Variants in KALRN observed in about 807,000 individuals in gnomAD.
The protein encoded by KALRN is kalirin.
KALRN carries 70 observed loss-of-function variants against 353.7 expected under a neutral mutation model. That is an observed-to-expected ratio of 0.20 (90% CI 0.16 to 0.24). The LOEUF (loss-of-function observed/expected upper bound fraction) is 0.24, where lower values mean the gene tolerates loss of function less well. Ranked by LOEUF, KALRN falls within the 10% of genes least tolerant of loss-of-function variation. The pLI is 1.00. For synonymous variants in KALRN, 1,391 were observed against 1,434.8 expected, an observed-to-expected ratio of 0.97 and a Z score of 0.69; for missense variants, 2,791 against 3,756.7, an observed-to-expected ratio of 0.74 and a Z score of 6.72.
chr3:124,654,241 T>C (rs779659457), intron 38 of KALRN, among the ~76,000 whole-genome samples: 4 of 152,174 alleles, frequency 2.6e-5, no homozygotes, highest in Non-Finnish European at 5.9e-5. Context: ...CTAAAACACA[T>C]GATTGTCTGT....
intron 34 of KALRN, among the ~76,000 whole-genome samples, chr3:124,618,352 T>C (rs1421186118): frequency 6.6e-6 from 1 of 151,570 alleles, no homozygotes; most frequent in Non-Finnish European, 1.5e-5. Flanking sequence ...CTTGACTTCA[T>C]GATCCGCCCA....
intron 1 of KALRN, among the ~76,000 whole-genome samples, chr3:124,068,069 C>A (rs1450426006): frequency 6.6e-6 from 1 of 152,242 alleles, no homozygotes; most frequent in Admixed American, 6.5e-5. Flanking sequence ...CAAATGGCTT[C>A]TACTCCATAG....
chr3:124,470,281 G>A (rs1261891625), intron 25 of KALRN, among the ~76,000 whole-genome samples: 2 of 152,116 alleles, frequency 1.3e-5, no homozygotes, highest in Admixed American at 1.3e-4. Flanking sequence ...GAACAGCTAA[G>A]GTGAAATGTT....
intron 1 of KALRN, among the ~76,000 whole-genome samples, chr3:124,121,307 A>G (rs2149595296): frequency 6.6e-6 from 1 of 152,312 alleles, no homozygotes; most frequent in South Asian, 2.1e-4. Flanking sequence ...AATCTAGCAC[A>G]ATGTCTGGTA....
At chr3:124,603,270 T>C (rs1269812165) in intron 34 of KALRN, among the ~76,000 whole-genome samples, 1 of 152,208 alleles carries the variant, frequency 6.6e-6, no homozygotes, top group Non-Finnish European at 1.5e-5. Context: ...TAGTATTGAC[T>C]CTCCGGAGGA....
intron 11 of KALRN, among the ~76,000 whole-genome samples, chr3:124,391,958 T>C (rs1415634822): frequency 6.6e-6 from 1 of 152,228 alleles, no homozygotes; most frequent in African/African-American, 2.4e-5. Flanking sequence ...ATGTTGATCT[T>C]ATACAAACTC....
intron 6 of KALRN, among the ~76,000 whole-genome samples, chr3:124,320,066 G>A (rs962997412): frequency 2.0e-5 from 3 of 152,052 alleles, no homozygotes; most frequent in Admixed American, 6.6e-5. Context: ...TATGTATAAC[G>A]TTTTCTCAGT....
chr3:124,192,993 T>C (rs943471483), intron 1 of KALRN, among the ~76,000 whole-genome samples: 2 of 152,202 alleles, frequency 1.3e-5, no homozygotes, highest in Non-Finnish European at 2.9e-5. Flanking sequence ...AAACTTACAT[T>C]CCCCAAAAAT....
chr3:124,474,811 A>G (rs1475267584), intron 26 of KALRN, 79 bp downstream of exon 26: 31 of 1,111,670 alleles, frequency 2.8e-5, no homozygotes, highest in Non-Finnish European at 4.0e-5. Flanking sequence ...GACTGGAGTC[A>G]TTGCCAGTCT....
chr3:124,719,434 G>A lies in KALRN; in HGVS notation c.8925G>A (p.Lys2975=), dbSNP rs748789548. The change falls in exon 60 of 60, where the codon AAG becomes AAA. Residue 2975 remains lysine, a synonymous_variant. Coordinates refer to ENST00000682506, the MANE Select transcript of KALRN (RefSeq NM_001388419.1). The surrounding 1 kb of genome is among the most constrained non-coding windows in gnomAD (Gnocchi z 5.3). ...ATGTGCGGCCTATTCCCAATGTCAA[G>A]AGCTACATTGTCAACCGGGTGAACC... ...QNDVRPIPNV[K]SYIVNRVNQG... 3.7e-5 allele frequency: 59 copies of A among 1,613,818 alleles called. No homozygotes were observed. The highest frequency in any genetic ancestry group is 4.5e-5 in the Non-Finnish European group (53 of 1,179,936).
At chr3:124,664,290 G>A (rs1484434969) in intron 45 of KALRN, among the ~76,000 whole-genome samples, 1 of 151,314 alleles carries the variant, frequency 6.6e-6, no homozygotes, top group African/African-American at 2.4e-5. Context: ...TGATTGTGCT[G>A]TCTATCCCAA....
intron 9 of KALRN, among the ~76,000 whole-genome samples, chr3:124,340,459 G>A (rs2081581764): frequency 6.6e-6 from 1 of 152,096 alleles, no homozygotes; most frequent in Non-Finnish European, 1.5e-5. Context: ...GTAGGTGGAG[G>A]TTGCAGTGAG....
At chr3:124,241,883 A>G (rs4678097) in intron 3 of KALRN, among the ~76,000 whole-genome samples, 45,926 of 152,088 alleles carry the variant, frequency 0.3, 8,993 homozygotes, top group East Asian at 0.59. Context: ...AGGGGTAGGA[A>G]TGGGCCAGTC....
chr3:124,628,568 T>TTCATTTCTTTTCTTC (rs1360602943), intron 34 of KALRN, among the ~76,000 whole-genome samples: 1 of 145,180 alleles, frequency 6.9e-6, no homozygotes, highest in Non-Finnish European at 1.5e-5. Context: ...TTCTTTTCTT[T>TTCATTTCTTTTCTTC]TCATTTCTTT....
At chr3:124,564,535 G>A (rs1045411601) in intron 34 of KALRN, among the ~76,000 whole-genome samples, 17 of 152,102 alleles carry the variant, frequency 1.1e-4, no homozygotes, top group Non-Finnish European at 2.2e-4. Context: ...ATTTTAGCCA[G>A]GCATGGTGGC....
chr3:124,125,879 T>C (rs2204815), intron 1 of KALRN, among the ~76,000 whole-genome samples: 42,743 of 151,936 alleles, frequency 0.28, 6,534 homozygotes, highest in East Asian at 0.47. Flanking sequence ...CTGTCCTGAT[T>C]AGGTGTTTCT....
chr3:124,136,001 C>G (rs2065877506), intron 1 of KALRN, among the ~76,000 whole-genome samples: 1 of 152,178 alleles, frequency 6.6e-6, no homozygotes, highest in Non-Finnish European at 1.5e-5. Context: ...CATCTCCTTA[C>G]TGCAGGATCC....
At chr3:124,458,458 G>A (rs1343899961) in intron 23 of KALRN, among the ~76,000 whole-genome samples, 1 of 151,810 alleles carries the variant, frequency 6.6e-6, no homozygotes, top group African/African-American at 2.4e-5. Flanking sequence ...ACTGTCATTG[G>A]CCCATCCTTT....
chr3:124,249,122 C>T (rs1419003715), intron 3 of KALRN, among the ~76,000 whole-genome samples: 1 of 152,228 alleles, frequency 6.6e-6, no homozygotes, highest in Non-Finnish European at 1.5e-5. Flanking sequence ...AGATTTAATT[C>T]TGTGGATACA....
Sources: gnomAD v4.1 joint callset for allele counts (sites outside exome capture counted in the v4.1 genomes callset) on GRCh38, gnomAD v4.1.1 for gene constraint, Gnocchi (gnomAD v3.1) non-coding constraint, MANE v1.5 for transcripts, NCBI Gene and HGNC (gene_info 2026-07-23, HGNC 2026-07-21) for gene names.